Variants in PTPRQ observed in about 807,000 individuals in gnomAD.
The protein encoded by PTPRQ is protein tyrosine phosphatase receptor type Q.
In PTPRQ, 199 loss-of-function variants were observed where a neutral mutation model predicts 246.0. The ratio of observed to expected loss-of-function variants is 0.81; its 90% confidence interval spans 0.72 to 0.91. PTPRQ has a LOEUF of 0.91. PTPRQ is among the 40% of genes least tolerant of loss of function. PTPRQ has a pLI of 0.00. For missense variants in PTPRQ, 2,624 were observed against 2,528.4 expected (o/e 1.04, Z -0.81); for synonymous variants, 869 against 853.2 (o/e 1.02, Z -0.32).
intron 39 of PTPRQ, among the ~76,000 whole-genome samples, chr12:80,665,347 C>T (rs1034978949): frequency 6.6e-5 from 10 of 151,952 alleles, no homozygotes; most frequent in East Asian, 1.9e-4. Context: ...TATTGACCAT[C>T]GCAGTGATGT....
At chr12:80,511,081 A>G (rs1895112777) in intron 17 of PTPRQ, among the ~76,000 whole-genome samples, 1 of 152,146 alleles carries the variant, frequency 6.6e-6, no homozygotes, top group African/African-American at 2.4e-5. Flanking sequence ...CACATTACCT[A>G]GTGGATTTCA....
chr12:80,468,037 AT>A (rs1893496696), intron 6 of PTPRQ, among the ~76,000 whole-genome samples: 1 of 149,680 alleles, frequency 6.7e-6, no homozygotes, highest in Non-Finnish European at 1.5e-5. Context: ...CAATGATTTC[AT>A]AAGGGTCATA....
intron 25 of PTPRQ, among the ~76,000 whole-genome samples, chr12:80,578,981 T>G (rs529175847): frequency 6.6e-6 from 1 of 152,278 alleles, no homozygotes; most frequent in East Asian, 1.9e-4. Flanking sequence ...TTAATCTAAT[T>G]CCTGGGTTCA....
In PTPRQ at chr12:80,634,961, A is replaced by G. The variant is rs2121177332; in HGVS notation, c.5803A>G (p.Lys1935Glu). ...FAFARIRQKQ[K>E]EGGTYSPQDA... ...TTGTTTTAGAATTCGACAGAAGCAGAAAGAAGGTGGCACATACTCTCCTCA... is the reference window on the plus strand; with the variant it reads ...TTGTTTTAGAATTCGACAGAAGCAGGAAGAAGGTGGCACATACTCTCCTCA... Residue 1935 changes from lysine to glutamate, a missense_variant, in exon 35 of 45, where the codon AAA becomes GAA. Transcript: ENST00000644991. The G allele has an allele frequency of 6.4e-7, 1 of 1,550,858 alleles. No homozygotes were observed. Among genetic ancestry groups the G allele is most frequent in the Non-Finnish European group, 8.7e-7 (1 of 1,146,536 alleles).
At chr12:80,671,721 A>G (rs11114560) in intron 42 of PTPRQ, among the ~76,000 whole-genome samples, 25,563 of 152,018 alleles carry the variant, frequency 0.17, 3,040 homozygotes, top group African/African-American at 0.32. Context: ...AAAACAGAAC[A>G]TTTGACTCAA....
At chr12:80,630,883 AT>A (rs1899405607) in intron 33 of PTPRQ, among the ~76,000 whole-genome samples, 1 of 151,816 alleles carries the variant, frequency 6.6e-6, no homozygotes, top group African/African-American at 2.4e-5. Context: ...CGCCCAGCTA[AT>A]TTTTGTATTT....
intron 37 of PTPRQ, among the ~76,000 whole-genome samples, chr12:80,649,879 A>G (rs1215608003): frequency 6.6e-6 from 1 of 152,102 alleles, no homozygotes; most frequent in East Asian, 1.9e-4. Context: ...GTGTCAGGAA[A>G]AGGTGGTCTT....
At chr12:80,546,010 T>C (rs1423064606) in intron 23 of PTPRQ, among the ~76,000 whole-genome samples, 1 of 151,848 alleles carries the variant, frequency 6.6e-6, no homozygotes, top group African/African-American at 2.4e-5. Context: ...AATAAAACAC[T>C]CTAGTTTTTT....
intron 25 of PTPRQ, among the ~76,000 whole-genome samples, chr12:80,584,717 T>A (rs1052765283): frequency 2.6e-5 from 4 of 152,160 alleles, no homozygotes; most frequent in Non-Finnish European, 5.9e-5. Flanking sequence ...TGCCATCTCT[T>A]CTCTAAAAAC....
At chr12:80,486,166 T>C (rs1250023913) in intron 9 of PTPRQ, among the ~76,000 whole-genome samples, 2 of 152,138 alleles carry the variant, frequency 1.3e-5, no homozygotes, top group Non-Finnish European at 2.9e-5. Context: ...GAGAATTTAA[T>C]GGGTTCATGT....
chr12:80,671,765 C>G (rs1166548870), intron 42 of PTPRQ, among the ~76,000 whole-genome samples: 2 of 152,056 alleles, frequency 1.3e-5, no homozygotes, highest in East Asian at 3.9e-4. Flanking sequence ...TTGTTCCTAT[C>G]TTGGTAAAAA....
intron 14 of PTPRQ, among the ~76,000 whole-genome samples, chr12:80,498,747 G>T (rs1894704902): frequency 6.6e-6 from 1 of 152,026 alleles, no homozygotes; most frequent in South Asian, 2.1e-4. Flanking sequence ...ATTCTATTGT[G>T]ATATGAAATA....
intron 37 of PTPRQ, among the ~76,000 whole-genome samples, chr12:80,649,904 T>C (rs1900201416): frequency 6.6e-6 from 1 of 152,172 alleles, no homozygotes; most frequent in South Asian, 2.1e-4. Context: ...AGACCTCCCC[T>C]GTATTGGCAG....
chr12:80,542,889 G>T lies in PTPRQ; in HGVS notation c.3873+8G>T. 1.4e-6 allele frequency: 2 copies of T among 1,416,638 alleles called. No homozygotes were observed. The highest frequency in any genetic ancestry group is 1.5e-5 in the South Asian group (1 of 65,592). 87.8% of individuals were successfully genotyped at this position (1,416,638 alleles called of 1,614,324 possible). On this transcript the variant is annotated splice_region_variant and intron_variant, in intron 23 of 44. Coordinates refer to ENST00000644991, the MANE Select transcript of PTPRQ (RefSeq NM_001145026.2). ...GACACTATATATTATAAGGTAGGTT[G>T]ATTATAACAGTATATGTTTATTTTT...
chr12:80,604,951 TA>T, intron 26 of PTPRQ, 107 bp from the exon 27 acceptor site: 1 of 1,139,040 alleles, frequency 8.8e-7, no homozygotes. Flanking sequence ...AATGTAAAAT[TA>T]AAATTAATTT....
At chr12:80,536,043 C>A (rs1895978561) in intron 19 of PTPRQ, among the ~76,000 whole-genome samples, 1 of 152,122 alleles carries the variant, frequency 6.6e-6, no homozygotes, top group Non-Finnish European at 1.5e-5. Context: ...GGAGGCGGAG[C>A]TTGCAGTGAG....
At chr12:80,520,695 A>G (rs1565760703) in intron 17 of PTPRQ, among the ~76,000 whole-genome samples, 4 of 151,786 alleles carry the variant, frequency 2.6e-5, no homozygotes, top group Non-Finnish European at 1.5e-5. Flanking sequence ...TGAATTCATC[A>G]TTTTTTATGG....
intron 33 of PTPRQ, among the ~76,000 whole-genome samples, chr12:80,626,426 T>C (rs2121151364): frequency 6.6e-6 from 1 of 152,294 alleles, no homozygotes; most frequent in East Asian, 1.9e-4. Context: ...ATAAAATGGA[T>C]GAATAAATAT....
intron 17 of PTPRQ, among the ~76,000 whole-genome samples, chr12:80,521,992 G>C (rs1895509848): frequency 6.6e-6 from 1 of 152,180 alleles, no homozygotes; most frequent in African/African-American, 2.4e-5. Flanking sequence ...TTCCTACCAT[G>C]AGCATGGGAT....
Sources: allele counts gnomAD v4.1 joint callset (sites outside exome capture counted in the v4.1 genomes callset), GRCh38; gene constraint gnomAD v4.1.1; transcripts MANE v1.5; gene names NCBI Gene and HGNC (gene_info 2026-07-23, HGNC 2026-07-21).